Variants in DGKB observed in about 807,000 individuals in gnomAD.
DGKB encodes 90 kDa diacylglycerol kinase.
In DGKB, 67 loss-of-function variants were observed where a neutral mutation model predicts 114.3. The observed-to-expected ratio is 0.59, with a 90% CI of 0.48 to 0.72. DGKB has a LOEUF of 0.72. DGKB is among the 30% of genes least tolerant of loss of function. The pLI, the probability that DGKB is intolerant of heterozygous loss-of-function variation, is 0.00. For missense variants in DGKB, 907 were observed against 975.2 expected, an observed-to-expected ratio of 0.93 and a Z score of 0.93; for synonymous variants, 398 against 323.1, an observed-to-expected ratio of 1.23 and a Z score of -2.49.
intron 23 of DGKB, among the ~76,000 whole-genome samples, chr7:14,301,888 C>G (rs1803624857): frequency 6.6e-6 from 1 of 152,056 alleles, no homozygotes; most frequent in Non-Finnish European, 1.5e-5. Context: ...AGTCCAGGGT[C>G]TACCAAAGTA....
intron 2 of DGKB, among the ~76,000 whole-genome samples, chr7:14,833,889 C>G (rs933123006): frequency 1.3e-5 from 2 of 152,124 alleles, no homozygotes; most frequent in East Asian, 3.9e-4. Flanking sequence ...TCCATATGCG[C>G]AGAGTTAAAA....
intron 21 of DGKB, among the ~76,000 whole-genome samples, chr7:14,414,392 T>C (rs1339390029): frequency 2.0e-5 from 3 of 152,162 alleles, no homozygotes; most frequent in African/African-American, 4.8e-5. Context: ...TTCAATATTA[T>C]ATGACATACA....
intron 25 of DGKB, among the ~76,000 whole-genome samples, chr7:14,167,627 C>G (rs1279818798): frequency 2.6e-5 from 4 of 152,182 alleles, no homozygotes; most frequent in African/African-American, 4.8e-5. Context: ...ATACTGATGA[C>G]TTTGAGAGCT....
At chr7:14,919,252 G>A (rs566614981) in intron 1 of DGKB, among the ~76,000 whole-genome samples, 5 of 152,172 alleles carry the variant, frequency 3.3e-5, no homozygotes, top group African/African-American at 4.8e-5. Flanking sequence ...AGGGCAGCAC[G>A]TTATTGACAA....
intron 2 of DGKB, among the ~76,000 whole-genome samples, chr7:14,763,675 C>G: frequency 6.6e-6 from 1 of 151,954 alleles, no homozygotes; most frequent in Middle Eastern, 3.2e-3. Flanking sequence ...GATTCAAACT[C>G]CTATACAGTA....
chr7:14,689,199 A>ATTTATTTT (rs1822291187), intron 9 of DGKB, among the ~76,000 whole-genome samples: 2 of 76,566 alleles, frequency 2.6e-5, no homozygotes, highest in East Asian at 1.4e-3. Flanking sequence ...AACTCCTCTT[A>ATTTATTTT]TTTTTTTTTT....
At chr7:14,601,949 T>C (rs540321290) in intron 17 of DGKB, among the ~76,000 whole-genome samples, 183 of 151,536 alleles carry the variant, frequency 1.2e-3, no homozygotes, top group African/African-American at 4.2e-3. Flanking sequence ...CCACCTCTCC[T>C]CCTCCTCCTC....
intron 2 of DGKB, among the ~76,000 whole-genome samples, chr7:14,810,031 T>A (rs1388622676): frequency 6.6e-6 from 1 of 152,222 alleles, no homozygotes; most frequent in African/African-American, 2.4e-5. Flanking sequence ...GATTCTGCAT[T>A]AACTCCTTCA....
chr7:14,168,485 C>A (rs1784925601), intron 25 of DGKB, among the ~76,000 whole-genome samples: 1 of 152,076 alleles, frequency 6.6e-6, no homozygotes, highest in Non-Finnish European at 1.5e-5. Context: ...AAGATAGGCT[C>A]AAAGAAACCC....
intron 1 of DGKB, among the ~76,000 whole-genome samples, chr7:14,967,274 G>A (rs1048201186): frequency 1.3e-4 from 19 of 151,922 alleles, no homozygotes; most frequent in African/African-American, 4.6e-4. Context: ...TTCATTCACA[G>A]CACATCCTAA....
At chr7:14,947,537 G>C (rs1195831064) in intron 1 of DGKB, among the ~76,000 whole-genome samples, 2 of 131,736 alleles carry the variant, frequency 1.5e-5, no homozygotes, top group South Asian at 5.8e-4. Flanking sequence ...TAATTATATG[G>C]TTGTACAATA....
At chr7:14,901,605 A>ACT in intron 1 of DGKB, among the ~76,000 whole-genome samples, 1 of 123,180 alleles carries the variant, frequency 8.1e-6, no homozygotes, top group African/African-American at 3.0e-5. Context: ...AGGGATTTCC[A>ACT]CCCCCCCCCA....
intron 2 of DGKB, among the ~76,000 whole-genome samples, chr7:14,813,751 T>A (rs540389970): frequency 6.6e-6 from 1 of 152,314 alleles, no homozygotes; most frequent in Admixed American, 6.5e-5. Context: ...TTTCTTTCAT[T>A]GAATCTTTTA....
At chr7:14,824,575 C>A (rs1203144554) in intron 2 of DGKB, among the ~76,000 whole-genome samples, 1 of 151,970 alleles carries the variant, frequency 6.6e-6, no homozygotes, top group East Asian at 1.9e-4. Flanking sequence ...AAAAAATAAT[C>A]AAGATCCTGA....
intron 13 of DGKB, among the ~76,000 whole-genome samples, chr7:14,650,996 C>T (rs1160969105): frequency 6.6e-6 from 1 of 151,416 alleles, no homozygotes; most frequent in African/African-American, 2.5e-5. Flanking sequence ...GAAACTGTGG[C>T]AATAATCAAT....
intron 1 of DGKB, among the ~76,000 whole-genome samples, chr7:14,888,839 G>T (rs570735839): frequency 5.0e-4 from 76 of 151,762 alleles, no homozygotes; most frequent in Non-Finnish European, 8.7e-4. Flanking sequence ...AAATTGGGAA[G>T]TATAAGTACA....
chr7:14,513,144 A>C (rs1249700882), intron 20 of DGKB, among the ~76,000 whole-genome samples: 1 of 152,118 alleles, frequency 6.6e-6, no homozygotes, highest in Non-Finnish European at 1.5e-5. Context: ...CCATTATAAA[A>C]GTGCTATTAA....
At chr7:14,462,541 C>A (rs534550908) in intron 21 of DGKB, among the ~76,000 whole-genome samples, 82 of 152,274 alleles carry the variant, frequency 5.4e-4, no homozygotes, top group African/African-American at 1.9e-3. Flanking sequence ...ATACAACTTA[C>A]AAGGGATGTG....
chr7:14,776,596 T>G (rs560133547), intron 2 of DGKB, among the ~76,000 whole-genome samples: 217 of 152,356 alleles, frequency 1.4e-3, no homozygotes, highest in Non-Finnish European at 2.0e-3. Context: ...CTTGTTAGCT[T>G]CCATGTGGTG....
Sources: gnomAD v4.1 joint callset for allele counts (sites outside exome capture counted in the v4.1 genomes callset) on GRCh38, gnomAD v4.1.1 for gene constraint, MANE v1.5 for transcripts, NCBI Gene and HGNC (gene_info 2026-07-23, HGNC 2026-07-21) for gene names.